The following ACOT7 variants were observed in gnomAD, a reference collection of about 807,000 sequenced individuals.
ACOT7 encodes the protein cytosolic acyl coenzyme A thioester hydrolase.
A neutral mutation model predicts 40.2 loss-of-function variants in ACOT7; 12 were observed. The observed-to-expected ratio is 0.30, with a 90% CI of 0.19 to 0.48. The LOEUF (loss-of-function observed/expected upper bound fraction) is 0.48, where lower values mean the gene tolerates loss of function less well. ACOT7 is among the 20% of genes least tolerant of loss of function. The pLI is 0.99. For missense variants in ACOT7, 395 were observed against 530.8 expected (o/e 0.74, Z 2.51); for synonymous variants, 228 against 219.5 (o/e 1.04, Z -0.34).
Position 6,379,677 on chromosome 1 carries a change from G to GT in ACOT7, c.143+13579dup, listed in dbSNP as rs1642299495. The stretch of plus-strand genomic sequence containing the variant: ...GGGTCTTCCTATGTTGCTCAGGCTG[G>GT]TCTTGAACTCCTGAGCTCAAGCAGT... On this transcript the variant is annotated intron_variant, in intron 1 of 8. Transcript: ENST00000361521. Among the ~76,000 whole-genome samples, 2 of 151,542 alleles carry GT rather than the reference G, an allele frequency of 1.3e-5. 1 individual carries two copies. Among genetic ancestry groups the GT allele is most frequent in the Non-Finnish European group, 2.9e-5 (2 of 67,806 alleles).
At chr1:6,297,647 C>A (rs1200518132) in intron 6 of ACOT7, among the ~76,000 whole-genome samples, 1 of 152,182 alleles carries the variant, frequency 6.6e-6, no homozygotes, top group Non-Finnish European at 1.5e-5. Flanking sequence ...AAGATGAGCA[C>A]CTGGCGAGAT....
In ACOT7 at chr1:6,340,029, G is replaced by A. The variant is rs1028080836; in HGVS notation, c.262-440C>T. On this transcript the variant is annotated intron_variant, in intron 2 of 8. Transcript: ENST00000361521. Reference sequence around the variant, plus strand: ...CACCCAGGCTGGAGTGCAGTGGTGCGATCTCCCCTCACTGCAAGCGCCGCC... The same window carrying A: ...CACCCAGGCTGGAGTGCAGTGGTGCAATCTCCCCTCACTGCAAGCGCCGCC... 2.7e-4 allele frequency among the ~76,000 whole-genome samples: 41 copies of A among 150,430 alleles called. 2 individuals are homozygous for A. Among genetic ancestry groups the A allele is most frequent in the East Asian group, 5.8e-4 (3 of 5,170 alleles).
At chr1:6,349,679 G>T in intron 2 of ACOT7, 70 bp downstream of exon 2, 1 of 1,462,986 alleles carries the variant, frequency 6.8e-7, no homozygotes. Context: ...TGGCTCCCCG[G>T]GGAACTCCTG....
At chr1:6,302,714 A>G (rs1640006557) in intron 6 of ACOT7, among the ~76,000 whole-genome samples, 2 of 152,114 alleles carry the variant, frequency 1.3e-5, no homozygotes, top group Non-Finnish European at 2.9e-5. Context: ...CCTACCGGCG[A>G]GACACAACCC....
intron 8 of ACOT7, among the ~76,000 whole-genome samples, chr1:6,268,351 G>T (rs1476803826): frequency 1.3e-5 from 2 of 152,200 alleles, no homozygotes; most frequent in Non-Finnish European, 2.9e-5. Context: ...TAACTACACA[G>T]GAATTCTTTC....
At chr1:6,302,277 C>A (rs1639994318) in intron 6 of ACOT7, among the ~76,000 whole-genome samples, 1 of 152,080 alleles carries the variant, frequency 6.6e-6, no homozygotes, top group Non-Finnish European at 1.5e-5. Flanking sequence ...GATCTTTGTC[C>A]ACTTCAGGTC....
At chr1:6,327,266 G>A (rs1420488870) in intron 5 of ACOT7, 33 bp downstream of exon 5, 4 of 1,607,360 alleles carry the variant, frequency 2.5e-6, no homozygotes, top group South Asian at 1.1e-5. Context: ...CCGGTGAGGA[G>A]TGGCACCTGC....
intron 8 of ACOT7, among the ~76,000 whole-genome samples, chr1:6,276,602 G>A (rs970673078): frequency 2.0e-5 from 3 of 151,280 alleles, no homozygotes; most frequent in Non-Finnish European, 4.4e-5. Flanking sequence ...TGAGGGAGGC[G>A]ACTGGGAGTA....
intron 1 of ACOT7, among the ~76,000 whole-genome samples, chr1:6,382,394 ACT>A (rs1348090517): frequency 2.6e-5 from 4 of 151,974 alleles, no homozygotes; most frequent in South Asian, 2.1e-4. Context: ...ACAGAGCGAG[ACT>A]CTGTCTCAAA....
chr1:6,267,381 G>A (rs1441804053), intron 8 of ACOT7, among the ~76,000 whole-genome samples: 1 of 152,234 alleles, frequency 6.6e-6, no homozygotes, highest in Non-Finnish European at 1.5e-5. Context: ...TACCATGGGT[G>A]TCCTGGGGGG....
chr1:6,323,737 A>AAAT lies in ACOT7; in HGVS notation c.625+3561_625+3562insATT, dbSNP rs1553158667. ...GTCTCAAAAAAAAAAAAAAAAAAAA[A>AAAT]ATATATATATATATATATATATATA... On this transcript the variant is annotated intron_variant, in intron 5 of 8. Transcript: ENST00000361521. Among the ~76,000 whole-genome samples the AAAT allele has an allele frequency of 1.8e-3, 68 of 38,418 alleles. 2 individuals carry two copies. Among genetic ancestry groups the AAAT allele is most frequent in the African/African-American group, 4.6e-3 (55 of 11,850 alleles). 25.2% of individuals were successfully genotyped at this position (38,418 alleles called of 152,430 possible).
chr1:6,311,137 T>A lies in ACOT7; in HGVS notation c.712+7355A>T, dbSNP rs1640318415. On this transcript the variant is annotated intron_variant, in intron 6 of 8. Coordinates refer to ENST00000361521, the MANE Select transcript of ACOT7 (RefSeq NM_007274.4). This position sits in a 1 kb window ranked among gnomAD's most constrained non-coding sequence, Gnocchi z 5.2. ...CTCTTCCCTGCCACATGCTCCATCC[T>A]GTGCTTCCCAGTACCATGGGAGCTG... is the stretch of plus-strand genomic sequence containing the variant. Among the ~76,000 whole-genome samples the A allele has an allele frequency of 6.6e-6, 1 of 152,246 alleles. No individual in the cohort carries two copies. The highest frequency in any genetic ancestry group is 1.5e-5 in the Non-Finnish European group (1 of 68,048).
chr1:6,337,526 C>T (rs552257616), intron 3 of ACOT7, among the ~76,000 whole-genome samples: 2 of 152,216 alleles, frequency 1.3e-5, no homozygotes, highest in Non-Finnish European at 2.9e-5. Flanking sequence ...CCAGCAGAAG[C>T]GGCCAGGAAA....
At chr1:6,370,490 T>TTATTAG (rs1382454944) in intron 1 of ACOT7, among the ~76,000 whole-genome samples, 1 of 147,288 alleles carries the variant, frequency 6.8e-6, no homozygotes, top group East Asian at 2.0e-4. Context: ...ATTATTATTA[T>TTATTAG]TATTATTATT....
chr1:6,298,808 G>A (rs954442808), intron 6 of ACOT7, among the ~76,000 whole-genome samples: 1 of 152,226 alleles, frequency 6.6e-6, no homozygotes, highest in African/African-American at 2.4e-5. Flanking sequence ...GGTAGAGGAC[G>A]GTTGGGCCAG....
intron 7 of ACOT7, among the ~76,000 whole-genome samples, chr1:6,292,688 T>G (rs1203503768): frequency 7.9e-5 from 8 of 101,208 alleles, no homozygotes; most frequent in African/African-American, 3.1e-4. Flanking sequence ...TTTTTTGTGT[T>G]TTTTTTTTTT....
At position 6,294,728 on chromosome 1, in the gene ACOT7, G is replaced by A; in HGVS notation, c.829+136C>T. ...AGCAAGGACAAAGAAAGAAACCTCA[G>A]CTTCCTGTTCCCTGTGGCAGATGGG... On this transcript the variant is annotated intron_variant, in intron 7 of 8. Transcript: ENST00000361521. This position sits in a 1 kb window ranked among gnomAD's most constrained non-coding sequence, Gnocchi z 4.6. The A allele has an allele frequency of 1.5e-6, 1 of 661,006 alleles. No individual in the cohort carries two copies. The highest frequency in any genetic ancestry group is 2.7e-6 in the Non-Finnish European group (1 of 375,414). The allele number at this position is 661,006 out of a possible 1,614,324, so 40.9% of individuals were successfully genotyped here.
chr1:6,319,764 G>C (rs1399859746), intron 5 of ACOT7, among the ~76,000 whole-genome samples: 1 of 152,238 alleles, frequency 6.6e-6, no homozygotes, highest in East Asian at 1.9e-4. Flanking sequence ...AGAGCAGATG[G>C]GGTCCTGGCA....
In ACOT7 at chr1:6,316,780, A is replaced by C. The variant is rs183520980; in HGVS notation, c.712+1712T>G. 8.8e-4 allele frequency among the ~76,000 whole-genome samples: 134 copies of C among 152,276 alleles called. 1 individual carries two copies. Among genetic ancestry groups the C allele is most frequent in the African/African-American group, 2.9e-3 (121 of 41,546 alleles). On this transcript the variant is annotated intron_variant, in intron 6 of 8. Coordinates refer to ENST00000361521, the MANE Select transcript of ACOT7 (RefSeq NM_007274.4). ...AGACAAGATCAGATCATGCCACTGC[A>C]CTCTAGCCTGGGCAACAGAGTGAGA...
Sources: gnomAD v4.1 joint callset for allele counts (sites outside exome capture counted in the v4.1 genomes callset) on GRCh38, gnomAD v4.1.1 for gene constraint, Gnocchi (gnomAD v3.1) non-coding constraint, MANE v1.5 for transcripts, NCBI Gene and HGNC (gene_info 2026-07-23, HGNC 2026-07-21) for gene names.